PCDH7: variants seen among roughly 807,000 people sequenced by gnomAD.
PCDH7 encodes protocadherin-7.
In PCDH7, 17 loss-of-function variants were observed where a neutral mutation model predicts 58.9. The ratio of observed to expected loss-of-function variants is 0.29; its 90% CI spans 0.20 to 0.43. The LOEUF (loss-of-function observed/expected upper bound fraction) is 0.43, where lower values mean the gene tolerates loss of function less well. PCDH7 is among the 20% of genes least tolerant of loss of function. The pLI, the probability that PCDH7 is intolerant of heterozygous loss-of-function variation, is 1.00. For synonymous variants in PCDH7, 664 were observed against 616.4 expected (o/e 1.08, Z -1.14); for missense variants, 1,274 against 1,441.0 (o/e 0.88, Z 1.88).
At chr4:31,076,879 G>T (rs1759040610) in intron 3 of PCDH7, among the ~76,000 whole-genome samples, 1 of 152,008 alleles carries the variant, frequency 6.6e-6, no homozygotes, top group South Asian at 2.1e-4. Flanking sequence ...GCACACTTAG[G>T]ATAAAAGGGG....
At chr4:31,109,521 AT>A (rs2109309545) in intron 3 of PCDH7, among the ~76,000 whole-genome samples, 1 of 152,302 alleles carries the variant, frequency 6.6e-6, no homozygotes, top group South Asian at 2.1e-4. Flanking sequence ...CAAAGGTAAA[AT>A]TACTGTAATG....
At chr4:31,031,257 T>G in intron 3 of PCDH7, among the ~76,000 whole-genome samples, 1 of 152,214 alleles carries the variant, frequency 6.6e-6, no homozygotes, top group East Asian at 1.9e-4. Context: ...TCTGGAGACA[T>G]TTTTGTTTGT....
At position 30,848,191 on chromosome 4, in the gene PCDH7, G is replaced by A. The variant is rs186413207; in HGVS notation, c.71-71962G>A. Reference sequence around the variant, plus strand: ...TTCTGAAATAGTTTTAATGAAGATAGCATCGGCAATCTGAAATCTTTGCTA... The same window carrying A: ...TTCTGAAATAGTTTTAATGAAGATAACATCGGCAATCTGAAATCTTTGCTA... On this transcript the variant is annotated intron_variant, in intron 1 of 3. Transcript: ENST00000509759. Among the ~76,000 whole-genome samples, 547 of 152,164 alleles carry A rather than the reference G, an allele frequency of 3.6e-3. 5 individuals carry two copies. The highest frequency in any genetic ancestry group is 0.012 in the African/African-American group (507 of 41,520).
At chr4:31,120,441 C>CTTTTTTTTTTT (rs138878762) in intron 3 of PCDH7, among the ~76,000 whole-genome samples, 7 of 107,988 alleles carry the variant, frequency 6.5e-5, no homozygotes, top group Non-Finnish European at 9.5e-5. Context: ...CTATTTTTTT[C>CTTTTTTTTTTT]TTTTTTTTTT....
chr4:31,016,856 G>A (rs955295226), intron 3 of PCDH7, among the ~76,000 whole-genome samples: 2 of 149,240 alleles, frequency 1.3e-5, no homozygotes, highest in African/African-American at 2.5e-5. Flanking sequence ...TGTGCTGGGT[G>A]TGTGTGTGTG....
chr4:30,801,399 G>A (rs1474868489), intron 1 of PCDH7, among the ~76,000 whole-genome samples: 2 of 152,052 alleles, frequency 1.3e-5, no homozygotes, highest in Non-Finnish European at 2.9e-5. Context: ...ATCTTGATAA[G>A]CCATGGAAGG....
At chr4:31,130,218 G>A (rs1718807349) in intron 3 of PCDH7, among the ~76,000 whole-genome samples, 1 of 152,102 alleles carries the variant, frequency 6.6e-6, no homozygotes, top group African/African-American at 2.4e-5. Flanking sequence ...CTAAGGGGTA[G>A]AGAAAGGAAA....
chr4:30,733,133 A>G (rs1715756046), downstream of PCDH7, among the ~76,000 whole-genome samples: 1 of 152,284 alleles, frequency 6.6e-6, no homozygotes, highest in Non-Finnish European at 1.5e-5. Flanking sequence ...GGAACTTACC[A>G]TTTATGGAGG....
chr4:30,826,441 G>T (rs185077689), intron 1 of PCDH7, among the ~76,000 whole-genome samples: 2 of 151,682 alleles, frequency 1.3e-5, no homozygotes, highest in African/African-American at 2.4e-5. Context: ...ATCCACCCTC[G>T]GTCCAACTGA....
chr4:31,064,180 A>T (rs1171421192), intron 3 of PCDH7, among the ~76,000 whole-genome samples: 3 of 152,068 alleles, frequency 2.0e-5, no homozygotes, highest in Non-Finnish European at 4.4e-5. Context: ...GAAGAAAATC[A>T]GATGAAGTTT....
intron 3 of PCDH7, among the ~76,000 whole-genome samples, chr4:31,012,433 A>G (rs1753269252): frequency 6.6e-6 from 1 of 150,746 alleles, no homozygotes; most frequent in Admixed American, 6.6e-5. Context: ...AGCAACACTC[A>G]CAGAATACTT....
exon 1 of PCDH7, chr4:30,724,198 C>G (rs1356689268): frequency 6.2e-7 from 1 of 1,613,702 alleles, no homozygotes; most frequent in African/African-American, 1.3e-5. Context: ...TTTTACACCC[C>G]AACAGCATGA....
intron 3 of PCDH7, among the ~76,000 whole-genome samples, chr4:31,037,546 A>T (rs955808160): frequency 2.0e-5 from 3 of 152,196 alleles, no homozygotes; most frequent in African/African-American, 2.4e-5. Flanking sequence ...AATATGGGCC[A>T]TGTGTTATTT....
intron 1 of PCDH7, among the ~76,000 whole-genome samples, chr4:30,863,726 T>C (rs1248694558): frequency 6.6e-6 from 1 of 152,114 alleles, no homozygotes; most frequent in African/African-American, 2.4e-5. Flanking sequence ...ATTTAAACTT[T>C]TGTATTGAAG....
intron 3 of PCDH7, among the ~76,000 whole-genome samples, chr4:31,015,937 G>A (rs1447252290): frequency 1.3e-5 from 2 of 151,990 alleles, no homozygotes; most frequent in African/African-American, 2.4e-5. Context: ...ATGTGTACAC[G>A]CTTTCAGTTT....
intron 1 of PCDH7, among the ~76,000 whole-genome samples, chr4:30,902,001 TGTG>T (rs1740279334): frequency 1.3e-5 from 2 of 152,306 alleles, no homozygotes; most frequent in South Asian, 4.1e-4. Flanking sequence ...GCTATGTAAC[TGTG>T]GGCAAGTTTC....
In PCDH7 at chr4:30,721,080, T is replaced by G; in HGVS notation, c.-343T>G. ...CGCCCGCTGAGGGGATGACTCTGGG[T>G]TGGGGGAGCGCCGAACCCGCGGCGC... On this transcript the variant is annotated 5_prime_UTR_variant, in exon 1 of 2. Transcript: ENST00000361762. This position sits in a 1 kb window ranked among gnomAD's most constrained non-coding sequence, Gnocchi z 6.7. 2 of 270,638 alleles carry G rather than the reference T, an allele frequency of 7.4e-6. No individual in the cohort carries two copies. The highest frequency in any genetic ancestry group is 7.5e-5 in the East Asian group (1 of 13,386). The allele number at this position is 270,638 out of a possible 1,614,324, so 16.8% of individuals were successfully genotyped here.
At chr4:30,999,601 G>GA (rs1253902804) in intron 3 of PCDH7, among the ~76,000 whole-genome samples, 1 of 152,052 alleles carries the variant, frequency 6.6e-6, no homozygotes, top group Non-Finnish European at 1.5e-5. Flanking sequence ...AGGGAGTGCA[G>GA]AAAAATGAGC....
At chr4:31,006,041 T>C (rs963149017) in intron 3 of PCDH7, among the ~76,000 whole-genome samples, 2 of 152,080 alleles carry the variant, frequency 1.3e-5, no homozygotes, top group African/African-American at 4.8e-5. Flanking sequence ...GTCAGGAGAA[T>C]GAAAAAATAT....
Sources: gnomAD v4.1 joint callset for allele counts (sites outside exome capture counted in the v4.1 genomes callset) on GRCh38, gnomAD v4.1.1 for gene constraint, Gnocchi (gnomAD v3.1) non-coding constraint, MANE v1.5 for transcripts, NCBI Gene and HGNC (gene_info 2026-07-23, HGNC 2026-07-21) for gene names.